Variants in PRDX4 observed in about 807,000 individuals in gnomAD.
PRDX4 encodes peroxiredoxin-4.
Under a neutral mutation model 20.5 loss-of-function variants are expected in PRDX4, and 12 were observed. The observed-to-expected ratio is 0.58, with a 90% CI of 0.37 to 0.95. The LOEUF (loss-of-function observed/expected upper bound fraction) is 0.95. Among genes scored for constraint, PRDX4 ranks in the 40% least tolerant of loss-of-function variants. PRDX4 has a pLI of 0.01. For synonymous variants in PRDX4, 99 were observed against 87.5 expected (o/e 1.13, Z -0.73); for missense variants, 180 against 207.3 (o/e 0.87, Z 0.81).
At chrX:23,667,908 G>GGCT in intron 1 of PRDX4, 97 bp downstream of exon 1, 1 of 1,132,246 alleles carries the variant, frequency 8.8e-7, no homozygotes, top group Middle Eastern at 2.7e-4. Flanking sequence ...GCACCCCCTG[G>GGCT]GCTGCCTCCG....
chrX:23,674,405 T>G (rs17343509), intron 2 of PRDX4, among the ~76,000 whole-genome samples: 9,401 of 110,482 alleles, frequency 0.085, 424 homozygotes, highest in East Asian at 0.34. Context: ...AATGCCACCC[T>G]AGTAATATTC....
chrX:23,682,824 T>TA (rs1928098814), intron 5 of PRDX4, among the ~76,000 whole-genome samples: 2 of 1,071 alleles, frequency 1.9e-3, no homozygotes, highest in Non-Finnish European at 3.2e-3. Flanking sequence ...CTACTAAAAA[T>TA]CAAAAAAAAA....
intron 4 of PRDX4, among the ~76,000 whole-genome samples, chrX:23,680,830 G>C (rs773619311): frequency 9.0e-6 from 1 of 111,209 alleles, no homozygotes; most frequent in East Asian, 2.8e-4. Context: ...AGGATCGCTA[G>C]AGCCTGGAAG....
In PRDX4 at chrX:23,683,773, A is replaced by C. The variant is rs763050258; in HGVS notation, c.765+68A>C. 3.8e-4 allele frequency: 374 copies of C among 982,684 alleles called. 3 individuals are homozygous for C. The South Asian group carries it at 7.7e-3, about 20-fold the overall frequency. The allele number at this position is 982,684 out of a possible 1,213,427, so 81.0% of individuals were successfully genotyped here. On this transcript the variant is annotated intron_variant, in intron 6 of 6. Coordinates refer to ENST00000379341, the MANE Select transcript of PRDX4 (RefSeq NM_006406.2). ...GTTGAAAAAAATGCTGGCCGGGCGCAGTGGCTCACGCCTGTAATCCCAGCA... is the reference window on the plus strand; with the variant it reads ...GTTGAAAAAAATGCTGGCCGGGCGCCGTGGCTCACGCCTGTAATCCCAGCA...
chrX:23,682,825 C>CAAAAAAAAAAAAAAAA (rs568865999), intron 5 of PRDX4, among the ~76,000 whole-genome samples: 2 of 9,584 alleles, frequency 2.1e-4, no homozygotes, highest in African/African-American at 4.8e-4. Flanking sequence ...TACTAAAAAT[C>CAAAAAAAAAAAAAAAA]AAAAAAAAAA....
intron 6 of PRDX4, among the ~76,000 whole-genome samples, chrX:23,684,200 C>G (rs1411720047): frequency 9.1e-6 from 1 of 109,718 alleles, no homozygotes; most frequent in African/African-American, 3.3e-5. Context: ...CCGGAGAAAG[C>G]AGAATATGGG....
rs975504092 is a variant in PRDX4 at position 23,685,566 on chromosome X, T to C, written c.766-719T>C. On this transcript the variant is annotated intron_variant, in intron 6 of 6. Coordinates refer to ENST00000379341, the MANE Select transcript of PRDX4 (RefSeq NM_006406.2). ...ATTAACTTTGACCTCAAAGCAAAACTGTTTTGCAAACCCATCAGAAATTGA... is the reference window on the plus strand; with the variant it reads ...ATTAACTTTGACCTCAAAGCAAAACCGTTTTGCAAACCCATCAGAAATTGA... 3.6e-5 allele frequency among the ~76,000 whole-genome samples: 4 copies of C among 111,457 alleles called. No individual in the cohort carries two copies. In the Admixed American group the frequency reaches 3.9e-4, roughly 11 times the overall value.
chrX:23,679,673 GA>G (rs776137241), intron 4 of PRDX4, among the ~76,000 whole-genome samples: 114 of 69,292 alleles, frequency 1.6e-3, no homozygotes, highest in Admixed American at 1.5e-3. Flanking sequence ...GCGACAGAGT[GA>G]AAAAAAAAAA....
chrX:23,676,529 G>A (rs899250091), intron 3 of PRDX4, among the ~76,000 whole-genome samples: 1 of 110,336 alleles, frequency 9.1e-6, no homozygotes, highest in Non-Finnish European at 1.9e-5. Flanking sequence ...GGTGGCTCAC[G>A]CCTATAATCC....
chrX:23,674,962 T>G (rs1477017284), intron 2 of PRDX4, 28 bp from the exon 3 acceptor site: 2 of 1,198,215 alleles, frequency 1.7e-6, no homozygotes, highest in African/African-American at 3.5e-5. Flanking sequence ...TGGAGAATAC[T>G]GAATATTTTT....
intron 1 of PRDX4, among the ~76,000 whole-genome samples, chrX:23,668,566 G>A (rs1385322968): frequency 8.9e-6 from 1 of 112,735 alleles, no homozygotes; most frequent in Non-Finnish European, 1.9e-5. Context: ...TAGATACTGT[G>A]AAAGTTGTAG....
intron 1 of PRDX4, among the ~76,000 whole-genome samples, chrX:23,668,368 A>G (rs1927773947): frequency 8.9e-6 from 1 of 112,527 alleles, no homozygotes; most frequent in Non-Finnish European, 1.9e-5. Flanking sequence ...TATGTTTCTC[A>G]GACATGAAGA....
intron 4 of PRDX4, among the ~76,000 whole-genome samples, chrX:23,681,686 A>G (rs976665816): frequency 1.8e-5 from 2 of 112,581 alleles, no homozygotes; most frequent in Non-Finnish European, 3.7e-5. Flanking sequence ...AACATTAACC[A>G]AGTAAAATTA....
chrX:23,674,048 A>G (rs499692), intron 2 of PRDX4, among the ~76,000 whole-genome samples: 32,188 of 109,823 alleles, frequency 0.29, 3,631 homozygotes, highest in Middle Eastern at 0.41. Flanking sequence ...ATATACGGTA[A>G]CATTCCATCT....
At chrX:23,669,580 A>G (rs920365643) in intron 1 of PRDX4, among the ~76,000 whole-genome samples, 5 of 111,122 alleles carry the variant, frequency 4.5e-5, no homozygotes, top group Non-Finnish European at 7.5e-5. Context: ...CTTTAAGGAG[A>G]AAAAAAAGGC....
intron 1 of PRDX4, among the ~76,000 whole-genome samples, chrX:23,671,073 T>C (rs1349342305): frequency 8.9e-6 from 1 of 112,204 alleles, no homozygotes; most frequent in Non-Finnish European, 1.9e-5. Context: ...ATCTGAAATT[T>C]AGTGTTTCCT....
At chrX:23,682,853 A>AT (rs1398017836) in intron 5 of PRDX4, among the ~76,000 whole-genome samples, 27 of 14,868 alleles carry the variant, frequency 1.8e-3, no homozygotes, top group Non-Finnish European at 2.6e-3. Context: ...AAAAAAAAAA[A>AT]ATATATATAT....
Position 23,682,544 on chromosome X carries a change from C to G in PRDX4, c.730+18C>G. The G allele has an allele frequency of 9.1e-7, 1 of 1,096,733 alleles. No homozygotes were observed. 90.4% of individuals were successfully genotyped at this position (1,096,733 alleles called of 1,213,427 possible). A position where few individuals can be genotyped will look rare whatever the true frequency, so the allele number is the denominator to read the frequency against. On this transcript the variant is annotated intron_variant, in intron 5 of 6. Transcript: ENST00000379341. Reference sequence around the variant, plus strand: ...CGGAGAAGGTACCTCTCCCTTCTAACCTTTTGATTTTTTAGTTTGAAAGAT... The same window carrying G: ...CGGAGAAGGTACCTCTCCCTTCTAAGCTTTTGATTTTTTAGTTTGAAAGAT...
intron 6 of PRDX4, among the ~76,000 whole-genome samples, chrX:23,684,470 C>T (rs775600381): frequency 5.4e-5 from 6 of 111,051 alleles, no homozygotes; most frequent in Non-Finnish European, 1.1e-4. Context: ...AAGATTGAAA[C>T]ACGTATATTC....
Sources: gnomAD v4.1 joint callset for allele counts (sites outside exome capture counted in the v4.1 genomes callset) on GRCh38, gnomAD v4.1.1 for gene constraint, MANE v1.5 for transcripts, NCBI Gene and HGNC (gene_info 2026-07-23, HGNC 2026-07-21) for gene names.